Variants in MYCBP2 observed in about 807,000 individuals in gnomAD.
The protein encoded by MYCBP2 is MYC binding protein 2.
MYCBP2 carries 120 observed loss-of-function variants against 525.3 expected under a neutral mutation model. The ratio of observed to expected loss-of-function variants is 0.23; its 90% confidence interval spans 0.20 to 0.27. MYCBP2 has a LOEUF of 0.27. Ranked by LOEUF, MYCBP2 falls within the 10% of genes least tolerant of loss-of-function variation. The probability of loss-of-function intolerance (pLI) is 1.00; values close to 1 mark genes in which losing one functional copy is unlikely to be tolerated. For synonymous variants in MYCBP2, 1,894 were observed against 1,955.8 expected, an observed-to-expected ratio of 0.97 and a Z score of 0.83; for missense variants, 4,149 against 5,657.1, an observed-to-expected ratio of 0.73 and a Z score of 8.55.
rs774331981 is a variant in MYCBP2 at position 77,206,671 on chromosome 13, C to A, written c.3571G>T (p.Ala1191Ser). ...GSRALTTRSHAALHILGCLDT... is the reference protein window; with the variant it reads ...GSRALTTRSHSALHILGCLDT... ...ACCCTACCTAAAATGTGCAAAGCTG[C>A]ATGAGATCGGGTAGTGAGGGCCCTT... Residue 1191 changes from alanine to serine, a missense_variant, in exon 24 of 83, where the codon GCA becomes TCA. Coordinates refer to ENST00000544440, the MANE Select transcript of MYCBP2 (RefSeq NM_015057.5). 1.9e-6 allele frequency: 3 copies of A among 1,600,760 alleles called. No homozygotes were observed. Among genetic ancestry groups the A allele is most frequent in the African/African-American group, 2.7e-5 (2 of 74,580 alleles).
intron 76 of MYCBP2, 54 bp downstream of exon 76, chr13:77,061,115 T>G: frequency 6.5e-7 from 1 of 1,545,440 alleles, no homozygotes; most frequent in Non-Finnish European, 8.7e-7. Flanking sequence ...GTTGGCACGG[T>G]TTAATCTTTT....
In MYCBP2 at chr13:77,125,425, C is replaced by T; in HGVS notation, c.7928G>A (p.Ser2643Asn). 1 of 1,613,980 alleles carries T rather than the reference C, an allele frequency of 6.2e-7. No individual in the cohort carries two copies. Among genetic ancestry groups the T allele is most frequent in the South Asian group, 1.1e-5 (1 of 91,082 alleles). ...ATCACTCTCACAGAACTCTACCATG[C>T]TGTTCTGATCCAGTTGCACCCATGT... ...EGTWVQLDQN[S>N]MVEFCESDEG... Residue 2643 changes from serine to asparagine, a missense_variant, in exon 54 of 83, where the codon AGC becomes AAC. By Grantham distance (46) the Ser-to-Asn change is conservative. Coordinates refer to ENST00000544440, the MANE Select transcript of MYCBP2 (RefSeq NM_015057.5).
chr13:77,225,503 G>C lies in MYCBP2; in HGVS notation c.2789C>G (p.Pro930Arg). ...EKDASKITTYPPGSVRFDCEL... is the reference protein window; with the variant it reads ...EKDASKITTYRPGSVRFDCEL... ...ACAGTCAAATCGCACAGAGCCTGGA[G>C]GGTATGTTGTGATTTTGCTTGCATC... The change falls in exon 19 of 83, where the codon CCT (proline) becomes CGT (arginine). Residue 930 changes from proline (P) to arginine (R), a missense_variant. Pro to Arg is a moderately radical substitution (Grantham distance 103). Around this residue, in one of 21 missense-constraint regions of MYCBP2, gnomAD observed 620 missense variants for 795.5 expected, o/e 0.78. Transcript: ENST00000544440. The C allele has an allele frequency of 6.2e-7, 1 of 1,613,694 alleles. No individual in the cohort carries two copies. The highest frequency in any genetic ancestry group is 8.5e-7 in the Non-Finnish European group (1 of 1,179,740).
chr13:77,076,819 C>T lies in MYCBP2; in HGVS notation c.11755G>A (p.Glu3919Lys). ...VFGKLISGDA[E>K]PTPEQEEKAL... ...TTTTCCTCTTGTTCTGGTGTAGGTT[C>T]AGCATCTCCAGAGATGAGCTTTCCA... Residue 3919 changes from glutamate (E) to lysine (K), a missense_variant, in exon 68 of 83, where the codon GAA becomes AAA. Coordinates refer to ENST00000544440, the MANE Select transcript of MYCBP2 (RefSeq NM_015057.5). 6.2e-7 allele frequency: 1 copy of T among 1,612,896 alleles called. No individual in the cohort carries two copies. The highest frequency in any genetic ancestry group is 8.5e-7 in the Non-Finnish European group (1 of 1,179,292).
intron 55 of MYCBP2, among the ~76,000 whole-genome samples, chr13:77,108,387 A>G (rs1031602171): frequency 6.6e-6 from 1 of 152,208 alleles, no homozygotes; most frequent in African/African-American, 2.4e-5. Context: ...TGATGGGTAT[A>G]TATCTTAGGC....
Position 77,185,992 on chromosome 13 carries a change from A to G in MYCBP2, c.4323T>C (p.Leu1441=). ...WTTLVLGVEE[L]RGLKGFQFTA... is the part of the protein sequence containing the mutation. ...TGAACTGGAATCCTTTTAATCCTCT[A>G]AGTTCTTCAACTCCTAAGACTAAGG... Residue 1441 remains leucine (L), a synonymous_variant, in exon 31 of 83, where the codon CTT becomes CTC. Coordinates refer to ENST00000544440, the MANE Select transcript of MYCBP2 (RefSeq NM_015057.5). 6.2e-7 allele frequency: 1 copy of G among 1,613,696 alleles called. No homozygotes were observed. Among genetic ancestry groups the G allele is most frequent in the Non-Finnish European group, 8.5e-7 (1 of 1,179,802 alleles).
chr13:77,306,433 G>T (rs2079427263), intron 1 of MYCBP2, among the ~76,000 whole-genome samples: 1 of 152,164 alleles, frequency 6.6e-6, no homozygotes, highest in Non-Finnish European at 1.5e-5. Context: ...GATGAAAACA[G>T]ATTTCTTATA....
At chr13:77,158,902 C>T (rs527971065) in intron 44 of MYCBP2, among the ~76,000 whole-genome samples, 1 of 152,118 alleles carries the variant, frequency 6.6e-6, no homozygotes, top group African/African-American at 2.4e-5. Flanking sequence ...CTAAGCCTTA[C>T]TAAAGTTAAG....
chr13:77,098,463 C>T lies in MYCBP2; in HGVS notation c.8691G>A (p.Thr2897=), dbSNP rs150009936. Residue 2897 remains threonine, a synonymous_variant, in exon 56 of 83, where the codon ACG becomes ACA. Transcript: ENST00000544440. The stretch of plus-strand genomic sequence containing the variant: ...TTGGTACTGATTTTGGTTTTGGTGA[C>T]GTTGACCGTCCTCTCAAAGGTTCTG... ...PLTEPLRGRS[T]SPKPKSVPKD... is the part of the protein sequence containing the mutation. 2.4e-4 allele frequency: 384 copies of T among 1,613,602 alleles called. 3 individuals are homozygous for T. In the African/African-American group the frequency reaches 4.3e-3, roughly 18 times the overall value.
intron 43 of MYCBP2, 40 bp from the exon 44 acceptor site, chr13:77,161,995 ATTTAG>A (rs777811301): frequency 2.8e-5 from 38 of 1,376,870 alleles, no homozygotes; most frequent in African/African-American, 1.6e-4. Context: ...ATATGTCAAT[ATTTAG>A]TTTAGTTTAA....
chr13:77,199,472 C>A (rs1417694624), intron 26 of MYCBP2, among the ~76,000 whole-genome samples: 1 of 152,224 alleles, frequency 6.6e-6, no homozygotes, highest in African/African-American at 2.4e-5. Context: ...GGGAGGGGCG[C>A]CCGCCATTGC....
intron 56 of MYCBP2, among the ~76,000 whole-genome samples, chr13:77,097,109 G>T (rs147331532): frequency 1.4e-4 from 22 of 152,258 alleles, no homozygotes; most frequent in Admixed American, 5.9e-4. Context: ...ACACATTAAT[G>T]GCACACCCTT....
At chr13:77,047,569 C>T (rs1391420162) in intron 82 of MYCBP2, among the ~76,000 whole-genome samples, 1 of 152,090 alleles carries the variant, frequency 6.6e-6, no homozygotes, top group African/African-American at 2.4e-5. Context: ...AGGTCAGTGC[C>T]TCATCCCCAT....
intron 18 of MYCBP2, 54 bp from the exon 19 acceptor site, chr13:77,225,608 T>TA (rs2066149636): frequency 6.3e-7 from 1 of 1,595,862 alleles, no homozygotes; most frequent in East Asian, 2.2e-5. Context: ...ATCTTCAAAA[T>TA]AAAAATTTAA....
At chr13:77,073,530 G>T (rs1337943601) in intron 68 of MYCBP2, among the ~76,000 whole-genome samples, 7 of 152,044 alleles carry the variant, frequency 4.6e-5, no homozygotes, top group African/African-American at 1.7e-4. Context: ...GCGCTTAAGG[G>T]CTTAATCAAT....
At chr13:77,077,527 TTTC>T (rs1362355589) in intron 66 of MYCBP2, 140 bp from the exon 67 acceptor site, 8 of 993,216 alleles carry the variant, frequency 8.1e-6, no homozygotes, top group Non-Finnish European at 8.8e-6. Context: ...TCACACTGAT[TTTC>T]TTATTTCAAC....
At chr13:77,110,197 A>C (rs1460821737) in intron 55 of MYCBP2, 2 of 152,736 alleles carry the variant, frequency 1.3e-5, no homozygotes, top group African/African-American at 2.4e-5. Flanking sequence ...GATATCACTA[A>C]ATTCTTCTCC....
intron 57 of MYCBP2, among the ~76,000 whole-genome samples, chr13:77,095,939 GAA>G (rs2046183407): frequency 6.6e-6 from 1 of 151,582 alleles, no homozygotes; most frequent in African/African-American, 2.4e-5. Flanking sequence ...AGTGAATAAA[GAA>G]AAGAGAGAGT....
In MYCBP2 at chr13:77,168,371, A is replaced by G; in HGVS notation, c.6114+57T>C. ...CAGGCCAGGCATTCTTTAAGATATC[A>G]TCAGAGAACCTCATGCCAAGTTTTA... On this transcript the variant is annotated intron_variant, in intron 40 of 82. Transcript: ENST00000544440. The G allele has an allele frequency of 4.2e-6, 6 of 1,436,364 alleles. No homozygotes were observed. The South Asian group carries it at 4.7e-5, about 11-fold the overall frequency. 89.0% of individuals were successfully genotyped at this position (1,436,364 alleles called of 1,614,324 possible).
Sources: allele counts gnomAD v4.1 joint callset (sites outside exome capture counted in the v4.1 genomes callset), GRCh38; gene constraint gnomAD v4.1.1; regional missense constraint gnomAD v4.1.1; transcripts MANE v1.5; gene names NCBI Gene and HGNC (gene_info 2026-07-23, HGNC 2026-07-21).